EXT1: variants seen among roughly 807,000 people sequenced by gnomAD.
EXT1 encodes the protein exostosin glycosyltransferase 1, also known as exostosin-1.
A neutral mutation model predicts 82.5 loss-of-function variants in EXT1; 20 were observed. The observed-to-expected ratio is 0.24, with a 90% confidence interval of 0.17 to 0.35. The LOEUF (loss-of-function observed/expected upper bound fraction) is 0.35, where lower values mean the gene tolerates loss of function less well. Ranked by LOEUF, EXT1 falls within the 10% of genes least tolerant of loss-of-function variation. The pLI, the probability that EXT1 is intolerant of heterozygous loss-of-function variation, is 1.00. For synonymous variants in EXT1, 348 were observed against 350.8 expected (o/e 0.99, Z 0.09); for missense variants, 757 against 936.5 (o/e 0.81, Z 2.50).
Position 117,860,970 on chromosome 8 carries a change from C to T in EXT1, c.963-23769G>A, listed in dbSNP as rs957335598. Among the ~76,000 whole-genome samples, 10 of 152,184 alleles carry T rather than the reference C, an allele frequency of 6.6e-5. No homozygotes were observed. In the East Asian group the frequency reaches 9.6e-4, roughly 15 times the overall value. On this transcript the variant is annotated intron_variant, in intron 1 of 10. Coordinates refer to ENST00000378204, the MANE Select transcript of EXT1 (RefSeq NM_000127.3). ...CAGCTGTCATTAGTCCAAATAGGGA[C>T]GAACGATTTGACTTTAATATGAAAT... is the stretch of plus-strand genomic sequence containing the variant.
intron 1 of EXT1, among the ~76,000 whole-genome samples, chr8:117,989,383 C>T (rs1815389220): frequency 6.6e-6 from 1 of 152,110 alleles, no homozygotes. Flanking sequence ...GTGTTTATTT[C>T]TGCTTCCATG....
chr8:117,995,094 T>G (rs1815509182), intron 1 of EXT1, among the ~76,000 whole-genome samples: 1 of 152,182 alleles, frequency 6.6e-6, no homozygotes, highest in African/African-American at 2.4e-5. Context: ...ATTCTGCCCT[T>G]CCGCCCACTT....
intron 1 of EXT1, among the ~76,000 whole-genome samples, chr8:117,867,260 G>GGAA: frequency 1.0e-5 from 1 of 98,904 alleles, no homozygotes; most frequent in African/African-American, 4.0e-5. Context: ...CTCCACCTCA[G>GGAA]AAAAAAAAAA....
intron 8 of EXT1, among the ~76,000 whole-genome samples, chr8:117,812,416 C>T (rs1311390736): frequency 6.6e-6 from 1 of 152,044 alleles, no homozygotes; most frequent in South Asian, 2.1e-4. Flanking sequence ...CTCTTTAAAC[C>T]AAGACAGAAA....
At chr8:118,047,221 C>A (rs368509801) in intron 1 of EXT1, among the ~76,000 whole-genome samples, 2 of 152,120 alleles carry the variant, frequency 1.3e-5, no homozygotes, top group African/African-American at 4.8e-5. Flanking sequence ...GTGAAGGAAC[C>A]TGCATTGGAA....
chr8:118,000,024 TACACACAC>T (rs1175149857), intron 1 of EXT1, among the ~76,000 whole-genome samples: 2 of 151,534 alleles, frequency 1.3e-5, no homozygotes, highest in Non-Finnish European at 2.9e-5. Flanking sequence ...CACACACACA[TACACACAC>T]ACACAGTTTA....
intron 1 of EXT1, among the ~76,000 whole-genome samples, chr8:118,090,320 C>T (rs148330447): frequency 6.6e-6 from 1 of 151,858 alleles, no homozygotes. Flanking sequence ...CTCCAGAGGC[C>T]GAGGTGGGAG....
At chr8:118,035,869 A>T (rs570918597) in intron 1 of EXT1, among the ~76,000 whole-genome samples, 4 of 152,348 alleles carry the variant, frequency 2.6e-5, no homozygotes, top group African/African-American at 9.6e-5. Context: ...ACTTTTCAAC[A>T]TGAGAAGTTA....
intron 1 of EXT1, among the ~76,000 whole-genome samples, chr8:117,976,993 G>T (rs894412338): frequency 2.0e-4 from 31 of 152,160 alleles, no homozygotes; most frequent in Admixed American, 1.6e-3. Context: ...CTGGGGCACA[G>T]TAGCAAAATC....
At chr8:117,858,766 A>AAGGAAGGCAGGC (rs1289892313) in intron 1 of EXT1, among the ~76,000 whole-genome samples, 830 of 54,128 alleles carry the variant, frequency 0.015, 19 homozygotes, top group Middle Eastern at 0.038. Flanking sequence ...GGAAGGAAGG[A>AAGGAAGGCAGGC]AGGCAGGCAG....
chr8:117,873,444 T>G (rs145719459), intron 1 of EXT1, among the ~76,000 whole-genome samples: 1,915 of 143,200 alleles, frequency 0.013, 77 homozygotes, highest in African/African-American at 0.046. Context: ...TGTTGTCCTG[T>G]GACTTTTTTT....
chr8:117,874,089 TA>T (rs1435613904), intron 1 of EXT1, among the ~76,000 whole-genome samples: 3 of 152,292 alleles, frequency 2.0e-5, no homozygotes, highest in Non-Finnish European at 1.5e-5. Context: ...TAAATTTGGG[TA>T]TAATGAGCCA....
intron 1 of EXT1, among the ~76,000 whole-genome samples, chr8:118,071,793 T>G (rs1289037819): frequency 6.6e-6 from 1 of 152,072 alleles, no homozygotes; most frequent in Non-Finnish European, 1.5e-5. Flanking sequence ...TCTCTTTAGG[T>G]AGAGAATATG....
intron 1 of EXT1, among the ~76,000 whole-genome samples, chr8:118,073,457 C>CA (rs1171811520): frequency 6.6e-6 from 1 of 152,006 alleles, no homozygotes; most frequent in Admixed American, 6.6e-5. Flanking sequence ...CCCACCTCTA[C>CA]AAAAAATACA....
intron 1 of EXT1, among the ~76,000 whole-genome samples, chr8:117,991,494 G>A (rs933843971): frequency 6.6e-6 from 1 of 152,098 alleles, no homozygotes; most frequent in Non-Finnish European, 1.5e-5. Flanking sequence ...ATCTTTTGCT[G>A]GTTCTGAGTC....
intron 1 of EXT1, among the ~76,000 whole-genome samples, chr8:117,920,240 G>A (rs1263375625): frequency 6.6e-6 from 1 of 151,420 alleles, no homozygotes; most frequent in Non-Finnish European, 1.5e-5. Context: ...GAGTAGCTGG[G>A]ATTACAGGTA....
rs530410938 is a variant in EXT1, at chr8:118,065,195, T to C, written c.962+44890A>G. Among the ~76,000 whole-genome samples, 27 of 152,290 alleles carry C rather than the reference T, an allele frequency of 1.8e-4. 1 individual carries two copies. The South Asian group carries it at 3.7e-3, about 21-fold the overall frequency. On this transcript the variant is annotated intron_variant, in intron 1 of 10. Coordinates refer to ENST00000378204, the MANE Select transcript of EXT1 (RefSeq NM_000127.3). The stretch of plus-strand genomic sequence containing the variant: ...GATCACCATTCTAACTGGTATGAGA[T>C]GGTATCTCATTGTGGTTCTGCTGTG...
intron 1 of EXT1, among the ~76,000 whole-genome samples, chr8:117,908,534 G>A (rs1305101173): frequency 2.6e-5 from 4 of 152,066 alleles, no homozygotes; most frequent in African/African-American, 9.7e-5. Flanking sequence ...GGAGGCTGAG[G>A]CAGGAGAATC....
intron 1 of EXT1, among the ~76,000 whole-genome samples, chr8:117,969,655 A>G (rs1428165845): frequency 6.6e-6 from 1 of 152,194 alleles, no homozygotes; most frequent in Non-Finnish European, 1.5e-5. Context: ...ATGTTGTGAC[A>G]GATCTGAGCT....
Sources: allele counts gnomAD v4.1 joint callset (sites outside exome capture counted in the v4.1 genomes callset), GRCh38; gene constraint gnomAD v4.1.1; transcripts MANE v1.5; gene names NCBI Gene and HGNC (gene_info 2026-07-23, HGNC 2026-07-21).